Variants in SYT2 observed in about 807,000 individuals in gnomAD.
The protein encoded by SYT2 is synaptotagmin 2.
Under a neutral mutation model 39.9 loss-of-function variants are expected in SYT2, and 15 were observed. The ratio of observed to expected loss-of-function variants is 0.38; its 90% CI spans 0.25 to 0.58. The LOEUF is 0.58. Ranked by LOEUF, SYT2 falls within the 20% of genes least tolerant of loss-of-function variation. SYT2 has a pLI of 0.70. For synonymous variants in SYT2, 181 were observed against 204.5 expected, an observed-to-expected ratio of 0.89 and a Z score of 0.98; for missense variants, 389 against 530.3, an observed-to-expected ratio of 0.73 and a Z score of 2.62.
At chr1:202,700,350 G>A (rs1458605093) in intron 1 of SYT2, among the ~76,000 whole-genome samples, 2 of 152,204 alleles carry the variant, frequency 1.3e-5, no homozygotes. Context: ...CTCTAGGGGA[G>A]CATGAGGTCC....
At chr1:202,661,546 G>T (rs940208134) in intron 1 of SYT2, among the ~76,000 whole-genome samples, 1 of 152,236 alleles carries the variant, frequency 6.6e-6, no homozygotes, top group Non-Finnish European at 1.5e-5. Flanking sequence ...ACATTCCCTC[G>T]TGGTTGCCCT....
chr1:202,608,733 A>T (rs1183418340), intron 1 of SYT2, among the ~76,000 whole-genome samples: 1 of 152,170 alleles, frequency 6.6e-6, no homozygotes, highest in African/African-American at 2.4e-5. Context: ...TTTTGCGTGG[A>T]CATATGTTTT....
At chr1:202,615,644 C>G (rs1376984299) in intron 1 of SYT2, among the ~76,000 whole-genome samples, 2 of 152,176 alleles carry the variant, frequency 1.3e-5, no homozygotes, top group African/African-American at 4.8e-5. Context: ...CCTGGCCTGG[C>G]CCCTGGCTGG....
chr1:202,594,359 G>A lies in SYT2; in HGVS notation c.*2398C>T, dbSNP rs1055868550. On this transcript the variant is annotated 3_prime_UTR_variant, in exon 9 of 9. Transcript: ENST00000367268. The stretch of plus-strand genomic sequence containing the variant: ...TTTGGAAGGGCTGAATGAAGTTCAT[G>A]AATGGAAAAGAATCCAGGTGGTAGA... 2 of 152,266 alleles carry A rather than the reference G, an allele frequency of 1.3e-5. No individual in the cohort carries two copies. Among genetic ancestry groups the A allele is most frequent in the African/African-American group, 4.8e-5 (2 of 41,454 alleles). 9.4% of individuals were successfully genotyped at this position (152,266 alleles called of 1,614,324 possible).
chr1:202,692,556 G>C (rs1360330850), intron 1 of SYT2, among the ~76,000 whole-genome samples: 3 of 152,208 alleles, frequency 2.0e-5, no homozygotes, highest in Non-Finnish European at 4.4e-5. Flanking sequence ...TGCATGTTAA[G>C]ATTACTTTTA....
rs925674311 is a variant in SYT2 at position 202,595,014 on chromosome 1, G to A, written c.*1743C>T. The A allele has an allele frequency of 6.6e-6, 1 of 152,296 alleles. No homozygotes were observed. Among genetic ancestry groups the A allele is most frequent in the African/African-American group, 2.4e-5 (1 of 41,466 alleles). The allele number at this position is 152,296 out of a possible 1,614,324, so 9.4% of individuals were successfully genotyped here. A position where few individuals can be genotyped will look rare whatever the true frequency, so the allele number is the denominator to read the frequency against. ...GAAGTGGCCCAGATGGGGCAGGATA[G>A]AGATGCTGCCATTTGTGCTGGGAAA... is the stretch of plus-strand genomic sequence containing the variant. On this transcript the variant is annotated 3_prime_UTR_variant, in exon 9 of 9. Coordinates refer to ENST00000367268, the MANE Select transcript of SYT2 (RefSeq NM_177402.5).
chr1:202,666,045 C>A (rs369968203), intron 1 of SYT2, among the ~76,000 whole-genome samples: 37 of 149,682 alleles, frequency 2.5e-4, no homozygotes, highest in African/African-American at 8.6e-4. Flanking sequence ...CCCAGCTACT[C>A]GGGAGGTTGA....
chr1:202,702,909 C>G (rs909562786), intron 1 of SYT2, among the ~76,000 whole-genome samples: 1 of 152,218 alleles, frequency 6.6e-6, no homozygotes, highest in Admixed American at 6.5e-5. Context: ...CCTCTCCAGG[C>G]CCCCCTCCTT....
chr1:202,654,205 T>C (rs1038381545), intron 1 of SYT2, among the ~76,000 whole-genome samples: 3 of 152,256 alleles, frequency 2.0e-5, no homozygotes, highest in African/African-American at 4.8e-5. Context: ...TCAGGCCCCA[T>C]TGCTTTAGCT....
intron 1 of SYT2, among the ~76,000 whole-genome samples, chr1:202,661,533 A>G (rs1394397856): frequency 2.0e-5 from 3 of 152,214 alleles, no homozygotes; most frequent in Non-Finnish European, 2.9e-5. Context: ...CAGGCCATCG[A>G]TAACATTCCC....
intron 1 of SYT2, among the ~76,000 whole-genome samples, chr1:202,648,140 C>T (rs1007519000): frequency 9.9e-5 from 15 of 152,176 alleles, no homozygotes; most frequent in East Asian, 1.9e-4. Context: ...AAACTTAGAA[C>T]GTCATCTGGA....
intron 1 of SYT2, among the ~76,000 whole-genome samples, chr1:202,633,985 G>C (rs1230028206): frequency 1.3e-5 from 2 of 152,216 alleles, no homozygotes; most frequent in South Asian, 4.1e-4. Context: ...AATCTCACAT[G>C]TGGGAGCAAG....
intron 1 of SYT2, among the ~76,000 whole-genome samples, chr1:202,686,917 A>C (rs1653683303): frequency 6.6e-6 from 1 of 152,000 alleles, no homozygotes; most frequent in Non-Finnish European, 1.5e-5. Flanking sequence ...TCTTTCTTCA[A>C]GCACCAACTC....
intron 1 of SYT2, among the ~76,000 whole-genome samples, chr1:202,665,949 C>T (rs1377507359): frequency 5.3e-5 from 8 of 152,048 alleles, no homozygotes; most frequent in Admixed American, 1.3e-4. Flanking sequence ...GTCAGGAGAT[C>T]GAGACCATCC....
At chr1:202,683,866 C>G (rs929240325) in intron 1 of SYT2, among the ~76,000 whole-genome samples, 1 of 152,020 alleles carries the variant, frequency 6.6e-6, no homozygotes, top group Non-Finnish European at 1.5e-5. Flanking sequence ...AGGATCATTT[C>G]CAACCTCTAG....
chr1:202,596,617 G>A lies in SYT2; in HGVS notation c.*140C>T. ...AAAGGGAAGTTGGTCTTTAAAAAGA[G>A]AAAAACAAGGAAAAACAAGGACACA... On this transcript the variant is annotated 3_prime_UTR_variant, in exon 9 of 9. Coordinates refer to ENST00000367268, the MANE Select transcript of SYT2 (RefSeq NM_177402.5). 9 of 790,410 alleles carry A rather than the reference G, an allele frequency of 1.1e-5. No homozygotes were observed. The highest frequency in any genetic ancestry group is 1.7e-5 in the Non-Finnish European group (9 of 521,572). The allele number at this position is 790,410 out of a possible 1,614,324, so 49.0% of individuals were successfully genotyped here.
chr1:202,646,963 C>G (rs1267639275), intron 1 of SYT2, among the ~76,000 whole-genome samples: 2 of 152,232 alleles, frequency 1.3e-5, no homozygotes, highest in African/African-American at 2.4e-5. Context: ...GAGGCTTTGC[C>G]TCTCCAGGTC....
chr1:202,695,518 A>AT (rs1653951819), intron 1 of SYT2, among the ~76,000 whole-genome samples: 1 of 152,236 alleles, frequency 6.6e-6, no homozygotes, highest in South Asian at 2.1e-4. Context: ...TATTTATATT[A>AT]TGGCAGGACA....
At chr1:202,618,400 AGTGT>A (rs57621822) in intron 1 of SYT2, among the ~76,000 whole-genome samples, 77,419 of 148,738 alleles carry the variant, frequency 0.52, 23,284 homozygotes, top group Non-Finnish European at 0.69. Context: ...GTCTGGTGTG[AGTGT>A]GTGTGTGTGT....
Sources: allele counts gnomAD v4.1 joint callset (sites outside exome capture counted in the v4.1 genomes callset), GRCh38; gene constraint gnomAD v4.1.1; transcripts MANE v1.5; gene names NCBI Gene and HGNC (gene_info 2026-07-23, HGNC 2026-07-21).